The following DPPA2 variants were observed in gnomAD, a reference collection of about 807,000 sequenced individuals.
The protein encoded by DPPA2 is developmental pluripotency-associated protein 2.
Under a neutral mutation model 36.2 loss-of-function variants are expected in DPPA2, and 26 were observed. The observed-to-expected ratio is 0.72, with a 90% CI of 0.53 to 1.00. The LOEUF (loss-of-function observed/expected upper bound fraction) is 1.00. Ranked by LOEUF, DPPA2 falls within the 50% of genes least tolerant of loss-of-function variation. The pLI is 0.00. For synonymous variants in DPPA2, 113 were observed against 123.2 expected, an observed-to-expected ratio of 0.92 and a Z score of 0.55; for missense variants, 361 against 365.1, an observed-to-expected ratio of 0.99 and a Z score of 0.09.
In DPPA2 at chr3:109,298,467, C is replaced by T. The variant is rs576674938; in HGVS notation, c.*22+1904G>A. On this transcript the variant is annotated intron_variant, in intron 8 of 8. Transcript: ENST00000478945. The stretch of plus-strand genomic sequence containing the variant: ...CGGTGGCTCACGCCTGTAATCCCAG[C>T]CCTTTGGGAGCCCAAGGCGGGTGAA... 3.9e-5 allele frequency among the ~76,000 whole-genome samples: 6 copies of T among 151,980 alleles called. No homozygotes were observed. In the South Asian group the frequency reaches 6.2e-4, roughly 16 times the overall value.
intron 8 of DPPA2, among the ~76,000 whole-genome samples, chr3:109,294,312 T>C (rs752511838): frequency 2.6e-5 from 4 of 152,206 alleles, no homozygotes; most frequent in Non-Finnish European, 5.9e-5. Flanking sequence ...TAGAAGACCA[T>C]TGATTAATGA....
At chr3:109,309,486 G>T (rs1707656284) in intron 3 of DPPA2, among the ~76,000 whole-genome samples, 156 bp from the exon 4 acceptor site, 1 of 151,146 alleles carries the variant, frequency 6.6e-6, no homozygotes, top group Admixed American at 6.6e-5. Flanking sequence ...AGGAGATCGA[G>T]ACCATCCTGG....
intron 3 of DPPA2, 62 bp downstream of exon 3, chr3:109,312,483 A>C (rs1004643039): frequency 6.5e-7 from 1 of 1,543,988 alleles, no homozygotes; most frequent in Admixed American, 1.9e-5. Flanking sequence ...GACAAATCTT[A>C]CTTTTTCCTG....
At chr3:109,296,289 C>T (rs1245111342) in intron 8 of DPPA2, among the ~76,000 whole-genome samples, 2 of 152,156 alleles carry the variant, frequency 1.3e-5, no homozygotes, top group Admixed American at 6.6e-5. Flanking sequence ...GAGAAAAAAA[C>T]ACCTTAACTG....
chr3:109,314,093 T>C (rs1707752340), intron 2 of DPPA2, among the ~76,000 whole-genome samples: 2 of 152,312 alleles, frequency 1.3e-5, no homozygotes, highest in African/African-American at 4.8e-5. Flanking sequence ...TTTATGACTT[T>C]ATCCACATTA....
At chr3:109,299,318 C>A (rs894659405) in intron 8 of DPPA2, among the ~76,000 whole-genome samples, 7 of 152,086 alleles carry the variant, frequency 4.6e-5, no homozygotes, top group Non-Finnish European at 1.0e-4. Flanking sequence ...CGAGACAAGC[C>A]TGGCCAATAT....
At chr3:109,313,024 A>G (rs1183325511) in intron 2 of DPPA2, among the ~76,000 whole-genome samples, 1 of 152,164 alleles carries the variant, frequency 6.6e-6, no homozygotes. Context: ...CTAAATCTGT[A>G]TGGAGTGTGT....
chr3:109,296,797 A>C (rs763724284), intron 8 of DPPA2, among the ~76,000 whole-genome samples: 4 of 152,178 alleles, frequency 2.6e-5, no homozygotes, highest in Non-Finnish European at 4.4e-5. Flanking sequence ...ATAATAAAAC[A>C]ACCCAATTAA....
chr3:109,306,897 T>C (rs1286785219), intron 6 of DPPA2, among the ~76,000 whole-genome samples: 1 of 151,736 alleles, frequency 6.6e-6, no homozygotes, highest in Non-Finnish European at 1.5e-5. Flanking sequence ...TGCTTGAACC[T>C]GTGACCTCAG....
intron 8 of DPPA2, among the ~76,000 whole-genome samples, chr3:109,296,872 G>A (rs1375139263): frequency 6.6e-6 from 1 of 151,992 alleles, no homozygotes; most frequent in Non-Finnish European, 1.5e-5. Context: ...TGGATCACTT[G>A]AGCCAGGAGT....
intron 6 of DPPA2, among the ~76,000 whole-genome samples, chr3:109,306,834 A>G (rs983247116): frequency 2.0e-5 from 3 of 151,030 alleles, no homozygotes; most frequent in Admixed American, 1.3e-4. Flanking sequence ...TTAGCCAGGC[A>G]TGGTGGCGCA....
chr3:109,311,235 T>C (rs948145980), intron 3 of DPPA2, among the ~76,000 whole-genome samples: 1 of 152,208 alleles, frequency 6.6e-6, no homozygotes, highest in Non-Finnish European at 1.5e-5. Context: ...GTCTAGATTT[T>C]GGACCACAAA....
chr3:109,312,556 T>A lies in DPPA2; in HGVS notation c.170A>T (p.Lys57Ile), dbSNP rs142710570. Residue 57 changes from lysine to isoleucine, a missense_variant, in exon 3 of 9, where the codon AAA becomes ATA. Physicochemically the swap from Lys to Ile is moderately radical, Grantham distance 102. Coordinates refer to ENST00000478945, the MANE Select transcript of DPPA2 (RefSeq NM_138815.4). ...TSDVKLEKPK[K>I]YNPGHLLQTN... ...CCCTGTCCTCATACCTGGATTGTAT[T>A]TCTTAGGCTTCTCCAGTTTGACATC... 1 of 1,613,116 alleles carries A rather than the reference T, an allele frequency of 6.2e-7. No homozygotes were observed. Among genetic ancestry groups the A allele is most frequent in the African/African-American group, 1.3e-5 (1 of 74,926 alleles).
rs1707642077 is a variant in DPPA2, at chr3:109,309,046, C to T, written c.376G>A (p.Ala126Thr). 1 of 1,614,176 alleles carries T rather than the reference C, an allele frequency of 6.2e-7. No homozygotes were observed. Among genetic ancestry groups the T allele is most frequent in the Admixed American group, 1.7e-5 (1 of 60,008 alleles). ...IEVYLRLHRH[A>T]YPEQRQDMPE... ...CTCACTTGCCGTTGTTCAGGGTAAG[C>T]ATGCCTATGAAGCCTCAGATAAACT... is the stretch of plus-strand genomic sequence containing the variant. Residue 126 changes from alanine to threonine, a missense_variant, in exon 5 of 9, where the codon GCT becomes ACT. Coordinates refer to ENST00000478945, the MANE Select transcript of DPPA2 (RefSeq NM_138815.4).
chr3:109,312,458 T>C (rs1707727350), intron 3 of DPPA2, 87 bp downstream of exon 3: 6 of 1,487,268 alleles, frequency 4.0e-6, no homozygotes, highest in Non-Finnish European at 5.4e-6. Context: ...TGTTGTATAG[T>C]CAGAGGATAG....
chr3:109,299,696 AAAAAG>A (rs1253510225), intron 8 of DPPA2, among the ~76,000 whole-genome samples: 55 of 148,168 alleles, frequency 3.7e-4, no homozygotes, highest in African/African-American at 1.3e-3. Context: ...CAAAAAAAAA[AAAAAG>A]AAAAAGAAAA....
At chr3:109,297,262 G>A (rs561335309) in intron 8 of DPPA2, among the ~76,000 whole-genome samples, 1 of 152,190 alleles carries the variant, frequency 6.6e-6, no homozygotes, top group Non-Finnish European at 1.5e-5. Context: ...AGTGGCTCAT[G>A]CCTGTAATCC....
At chr3:109,297,473 G>A (rs566823139) in intron 8 of DPPA2, among the ~76,000 whole-genome samples, 61 of 149,706 alleles carry the variant, frequency 4.1e-4, no homozygotes, top group African/African-American at 1.5e-3. Context: ...GCAGTGAACT[G>A]AGATCACGCC....
chr3:109,304,695 C>T, intron 6 of DPPA2, 25 bp from the exon 7 acceptor site: 3 of 1,555,156 alleles, frequency 1.9e-6, no homozygotes, highest in Non-Finnish European at 2.6e-6. Flanking sequence ...CAAATATAGA[C>T]AGCAAAAATC....
Sources: gnomAD v4.1 joint callset for allele counts (sites outside exome capture counted in the v4.1 genomes callset) on GRCh38, gnomAD v4.1.1 for gene constraint, MANE v1.5 for transcripts, NCBI Gene and HGNC (gene_info 2026-07-23, HGNC 2026-07-21) for gene names.